Variants in FAM131A observed in about 807,000 individuals in gnomAD.
The protein encoded by FAM131A is family with sequence similarity 131 member A, also known as protein FAM131A.
A neutral mutation model predicts 39.2 loss-of-function variants in FAM131A; 24 were observed. The observed-to-expected ratio is 0.61, with a 90% confidence interval of 0.44 to 0.86. The LOEUF (loss-of-function observed/expected upper bound fraction) is 0.86. Ranked by LOEUF, FAM131A falls within the 40% of genes least tolerant of loss-of-function variation. FAM131A has a pLI of 0.00. For missense variants in FAM131A, 373 were observed against 481.2 expected (o/e 0.78, Z 2.10); for synonymous variants, 202 against 206.8 (o/e 0.98, Z 0.20).
At chr3:184,344,428 G>A (rs1363760595) in intron 5 of FAM131A, 67 bp from the exon 6 acceptor site, 4 of 1,438,284 alleles carry the variant, frequency 2.8e-6, no homozygotes, top group Non-Finnish European at 9.4e-7. Context: ...TGGGGTGAAT[G>A]TGGCTTCCAG....
intron 2 of FAM131A, 139 bp downstream of exon 2, chr3:184,338,668 G>A: frequency 8.7e-7 from 1 of 1,149,316 alleles, no homozygotes. Flanking sequence ...CGGGCCGGGA[G>A]GCCGCCCCCG....
In FAM131A at chr3:184,342,290, G is replaced by A. The variant is rs1344436021; in HGVS notation, c.508+42G>A. 1 of 1,525,658 alleles carries A rather than the reference G, an allele frequency of 6.6e-7. No homozygotes were observed. The highest frequency in any genetic ancestry group is 2.3e-5 in the East Asian group (1 of 43,700). 94.5% of individuals were successfully genotyped at this position (1,525,658 alleles called of 1,614,324 possible). A position where few individuals can be genotyped will look rare whatever the true frequency, so the allele number is the denominator to read the frequency against. ...GGATAAGCTACACTCTTGGCACAGGGCTGCTTTCTTTCTTTATTTTATTTA... is the reference window on the plus strand; with the variant it reads ...GGATAAGCTACACTCTTGGCACAGGACTGCTTTCTTTCTTTATTTTATTTA... On this transcript the variant is annotated intron_variant, in intron 4 of 5. Transcript: ENST00000383847. This position sits in a 1 kb window ranked among gnomAD's most constrained non-coding sequence, Gnocchi z 4.6.
At chr3:184,338,814 T>G in intron 2 of FAM131A, 4 of 364,952 alleles carry the variant, frequency 1.1e-5, no homozygotes, top group African/African-American at 2.2e-5. Flanking sequence ...CATACACCTT[T>G]TCTCTGGGCC....
Position 184,345,116 on chromosome 3 carries a change from G to T in FAM131A, c.*146G>T. On this transcript the variant is annotated 3_prime_UTR_variant, in exon 6 of 6. Coordinates refer to ENST00000383847, the MANE Select transcript of FAM131A (RefSeq NM_144635.5). ...CGCTCGCTTCTCCGTTGTGTGTTTT[G>T]CATGAAAGTGTTTGGAGAGGAGGCA... 1.2e-6 allele frequency: 1 copy of T among 802,866 alleles called. No homozygotes were observed. The highest frequency in any genetic ancestry group is 1.9e-6 in the Non-Finnish European group (1 of 528,492). The allele number at this position is 802,866 out of a possible 1,614,324, so 49.7% of individuals were successfully genotyped here.
intron 2 of FAM131A, 62 bp downstream of exon 2, chr3:184,338,591 C>G (rs569690816): frequency 6.6e-7 from 1 of 1,509,422 alleles, no homozygotes; most frequent in African/African-American, 1.4e-5. Flanking sequence ...GATCTGCAGC[C>G]CCCACCCACG....
upstream of FAM131A, chr3:184,337,496 C>T: frequency 1.3e-6 from 1 of 751,130 alleles, no homozygotes; most frequent in African/African-American, 1.7e-5. Context: ...CAGGAATGTT[C>T]TCCTTATGTG....
chr3:184,336,656 C>T (rs937442807), upstream of FAM131A, among the ~76,000 whole-genome samples: 16 of 152,346 alleles, frequency 1.1e-4, no homozygotes, highest in Non-Finnish European at 1.3e-4. The surrounding 1 kb of genome is among the most constrained non-coding windows in gnomAD (Gnocchi z 5.5). Flanking sequence ...TTCAGTCAGT[C>T]GGCGAAGGGG....
chr3:184,342,417 C>T lies in FAM131A; in HGVS notation c.508+169C>T, dbSNP rs1021961928. Among the ~76,000 whole-genome samples, 3 of 152,202 alleles carry T rather than the reference C, an allele frequency of 2.0e-5. No individual in the cohort carries two copies. Among genetic ancestry groups the T allele is most frequent in the African/African-American group, 7.2e-5 (3 of 41,448 alleles). On this transcript the variant is annotated intron_variant, in intron 4 of 5. Coordinates refer to ENST00000383847, the MANE Select transcript of FAM131A (RefSeq NM_144635.5). The surrounding 1 kb of genome is among the most constrained non-coding windows in gnomAD (Gnocchi z 4.6). ...CTGCCACCCCAGTTCAAGCGATTCT[C>T]CTGCCTCAGCCTCCCAAGTAGCTGG... is the stretch of plus-strand genomic sequence containing the variant.
At chr3:184,341,840 C>T in intron 3 of FAM131A, 23 bp downstream of exon 3, 1 of 1,613,170 alleles carries the variant, frequency 6.2e-7, no homozygotes, top group Non-Finnish European at 8.5e-7. Flanking sequence ...TCCCATGTTT[C>T]TGGCCACTTT....
intron 3 of FAM131A, 109 bp downstream of exon 3, chr3:184,341,926 C>T (rs1560242613): frequency 6.6e-7 from 1 of 1,504,128 alleles, no homozygotes; most frequent in South Asian, 1.1e-5. Flanking sequence ...CCCTTTCTTC[C>T]CTTGCTCAGG....
Position 184,344,456 on chromosome 3 carries a change from G to A in FAM131A, c.626-39G>A, listed in dbSNP as rs1259047178. 5.3e-6 allele frequency: 8 copies of A among 1,500,498 alleles called. No homozygotes were observed. The Admixed American group carries it at 1.8e-4, about 34-fold the overall frequency. 92.9% of individuals were successfully genotyped at this position (1,500,498 alleles called of 1,614,324 possible). A position where few individuals can be genotyped will look rare whatever the true frequency, so the allele number is the denominator to read the frequency against. ...GCTTCCAGGTTGTCCAGTTGAAATG[G>A]AGCCAGCAGGACTGTCTTCTTTTCT... On this transcript the variant is annotated intron_variant, in intron 5 of 5. Transcript: ENST00000383847.
rs1301162089 is a variant in FAM131A, at chr3:184,344,941, G to A, written c.1072G>A (p.Glu358Lys). ...CTCTTCTGGGGTGGTGTCCTTAGAT[G>A]AGGATGAGGCAGAGCCAGAGGAACA... ...LASSGVVSLD[E>K]DEAEPEEQ The change falls in exon 6 of 6, where the codon GAG (glutamate) becomes AAG (lysine). Residue 358 changes from glutamate to lysine, a missense_variant. Glu to Lys is a moderately conservative substitution (Grantham distance 56, BLOSUM62 1). Transcript: ENST00000383847. 1.3e-6 allele frequency: 2 copies of A among 1,592,384 alleles called. No homozygotes were observed. The highest frequency in any genetic ancestry group is 8.5e-7 in the Non-Finnish European group (1 of 1,173,992).
chr3:184,335,983 C>T (rs1486932085), upstream of FAM131A: 2 of 152,268 alleles, frequency 1.3e-5, no homozygotes, highest in Admixed American at 1.3e-4. Flanking sequence ...TCCCACCCCT[C>T]CCCTCTCACG....
chr3:184,342,733 C>G lies in FAM131A; in HGVS notation c.509-11C>G, dbSNP rs564918794. On this transcript the variant is annotated splice_polypyrimidine_tract_variant and intron_variant, in intron 4 of 5. Coordinates refer to ENST00000383847, the MANE Select transcript of FAM131A (RefSeq NM_144635.5). The surrounding 1 kb of genome is among the most constrained non-coding windows in gnomAD (Gnocchi z 4.6). The stretch of plus-strand genomic sequence containing the variant: ...CACCTTCTCTGCTTATGCATTCTGT[C>G]CCTGCGACAGGAGTGGCTGAGCAGT... 1.7e-5 allele frequency: 28 copies of G among 1,610,880 alleles called. No individual in the cohort carries two copies. In the East Asian group the frequency reaches 4.2e-4, roughly 24 times the overall value.
rs1299134761 is a variant in FAM131A, at chr3:184,342,489, G to A, written c.508+241G>A. On this transcript the variant is annotated intron_variant, in intron 4 of 5. Transcript: ENST00000383847. This position sits in a 1 kb window ranked among gnomAD's most constrained non-coding sequence, Gnocchi z 4.6. ...TGCCTGGCTAATTTTTGTAGTTTTAGTAGAGATGGGGTTTCACCGTCTAGG... is the reference window on the plus strand; with the variant it reads ...TGCCTGGCTAATTTTTGTAGTTTTAATAGAGATGGGGTTTCACCGTCTAGG... Among the ~76,000 whole-genome samples, 1 of 152,140 alleles carries A rather than the reference G, an allele frequency of 6.6e-6. No individual in the cohort carries two copies. Among genetic ancestry groups the A allele is most frequent in the Non-Finnish European group, 1.5e-5 (1 of 68,020 alleles).
rs1268490723 is a variant in FAM131A at position 184,344,569 on chromosome 3, C to T, written c.700C>T (p.Arg234Cys). 7 of 1,606,914 alleles carry T rather than the reference C, an allele frequency of 4.4e-6. No individual in the cohort carries two copies. The highest frequency in any genetic ancestry group is 5.1e-6 in the Non-Finnish European group (6 of 1,176,076). ...CGGCCACCGGTTCTCCCGGCCTGTG[C>T]GCCAGGGCTCCGTGGAGCCTGAGAG... ...FTGHRFSRPV[R>C]QGSVEPESDC... Residue 234 changes from arginine to cysteine, a missense_variant, in exon 6 of 6, where the codon CGC becomes TGC. By Grantham distance (180) the Arg-to-Cys change is radical. Coordinates refer to ENST00000383847, the MANE Select transcript of FAM131A (RefSeq NM_144635.5).
Position 184,345,081 on chromosome 3 carries a change from C to A in FAM131A, c.*111C>A. ...CAGCAGAGCTCCACAGCCTAGAGGG[C>A]TCCTGGGAGCGCTCGCTTCTCCGTT... On this transcript the variant is annotated 3_prime_UTR_variant, in exon 6 of 6. Transcript: ENST00000383847. The A allele has an allele frequency of 1.9e-6, 2 of 1,032,384 alleles. No individual in the cohort carries two copies. The highest frequency in any genetic ancestry group is 2.7e-6 in the Non-Finnish European group (2 of 734,356). 64.0% of individuals were successfully genotyped at this position (1,032,384 alleles called of 1,614,324 possible).
At chr3:184,338,861 C>A (rs901378010) in intron 2 of FAM131A, 4 of 238,562 alleles carry the variant, frequency 1.7e-5, no homozygotes, top group Non-Finnish European at 2.5e-5. Flanking sequence ...GCACGGATGG[C>A]GGCGGCTGAG....
chr3:184,340,356 C>T (rs2889404), intron 2 of FAM131A: 8,857 of 115,558 alleles, frequency 0.077, 672 homozygotes, highest in African/African-American at 0.22. Flanking sequence ...AGTCTTGCAC[C>T]GTAGCCTAAG....
Sources: allele counts gnomAD v4.1 joint callset (sites outside exome capture counted in the v4.1 genomes callset), GRCh38; gene constraint gnomAD v4.1.1; non-coding constraint Gnocchi (gnomAD v3.1); transcripts MANE v1.5; gene names NCBI Gene and HGNC (gene_info 2026-07-23, HGNC 2026-07-21).